IPO11: variants seen among roughly 807,000 people sequenced by gnomAD.
The protein encoded by IPO11 is importin-11.
A neutral mutation model predicts 143.2 loss-of-function variants in IPO11; 66 were observed. The observed-to-expected ratio is 0.46, with a 90% CI of 0.38 to 0.57. The LOEUF (loss-of-function observed/expected upper bound fraction) is 0.57. Among genes scored for constraint, IPO11 ranks in the 20% least tolerant of loss-of-function variants. The pLI is 0.00. For missense variants in IPO11, 1,026 were observed against 1,141.0 expected (o/e 0.90, Z 1.45); for synonymous variants, 385 against 377.8 (o/e 1.02, Z -0.22).
intron 29 of IPO11, among the ~76,000 whole-genome samples, chr5:62,612,959 T>C (rs560981839): frequency 2.0e-5 from 3 of 152,330 alleles, no homozygotes; most frequent in South Asian, 2.1e-4. Context: ...CTGAAGGATA[T>C]GTGTTTTTGA....
At chr5:62,606,851 A>G (rs1013229038) in intron 29 of IPO11, among the ~76,000 whole-genome samples, 21 of 152,252 alleles carry the variant, frequency 1.4e-4, no homozygotes, top group African/African-American at 4.3e-4. Flanking sequence ...GCTTGGCATC[A>G]TAGTCTTTTG....
chr5:62,599,635 G>A (rs1037482723), intron 28 of IPO11, among the ~76,000 whole-genome samples: 1 of 152,190 alleles, frequency 6.6e-6, no homozygotes, highest in Non-Finnish European at 1.5e-5. Context: ...TCTTGAGAAA[G>A]ATTCTTATTT....
At chr5:62,469,670 TATTACAACTGTAGACAATAG>T (rs1266706046) in intron 6 of IPO11, among the ~76,000 whole-genome samples, 4 of 152,302 alleles carry the variant, frequency 2.6e-5, no homozygotes, top group African/African-American at 9.6e-5. Flanking sequence ...CCCAAAGTAG[TATTACAACTGTAGACAATAG>T]ATCAAGGATT....
At chr5:62,441,058 C>T (rs1239750486) in intron 2 of IPO11, among the ~76,000 whole-genome samples, 1 of 152,030 alleles carries the variant, frequency 6.6e-6, no homozygotes, top group Admixed American at 6.6e-5. Flanking sequence ...TTTAAGAGGT[C>T]ACCTTTGGGA....
intron 27 of IPO11, among the ~76,000 whole-genome samples, chr5:62,588,519 C>T (rs745766371): frequency 1.1e-4 from 17 of 152,212 alleles, no homozygotes; most frequent in Admixed American, 5.9e-4. Flanking sequence ...AGGCGTGAGC[C>T]GCCATGCCTG....
intron 1 of IPO11, among the ~76,000 whole-genome samples, chr5:62,435,164 A>ATATATATG (rs1344452522): frequency 2.0e-5 from 2 of 98,438 alleles, no homozygotes; most frequent in East Asian, 2.6e-4. Context: ...ATATATATGT[A>ATATATATG]TATATATGTA....
intron 29 of IPO11, among the ~76,000 whole-genome samples, chr5:62,626,396 A>G (rs758379678): frequency 2.0e-5 from 3 of 152,198 alleles, no homozygotes; most frequent in Non-Finnish European, 2.9e-5. Context: ...ATTATTATTA[A>G]GTAAACTCCA....
At chr5:62,422,808 T>C (rs748227528) in intron 1 of IPO11, among the ~76,000 whole-genome samples, 10 of 152,238 alleles carry the variant, frequency 6.6e-5, no homozygotes, top group Admixed American at 2.0e-4. Flanking sequence ...CACCCATTTA[T>C]TATTTGTTTC....
chr5:62,419,564 G>A (rs933994054), intron 1 of IPO11, among the ~76,000 whole-genome samples: 11 of 152,088 alleles, frequency 7.2e-5, no homozygotes, highest in South Asian at 6.2e-4. Context: ...GTCTTCGGGG[G>A]CAATAACATT....
In IPO11 at chr5:62,435,144, G is replaced by GTATATATGTATATATATGTATATATGTA. The variant is rs1744153814; in HGVS notation, c.-6-2105_-6-2104insGTATATATATGTATATATATGTATATAT. On this transcript the variant is annotated intron_variant, in intron 1 of 29. Transcript: ENST00000325324. Reference sequence around the variant, plus strand: ...TATATATGTATATATATGTATATATGTATATATGTATATATATGTATATAT... The same window carrying GTATATATGTATATATATGTATATATGTA: ...TATATATGTATATATATGTATATATGTATATATGTATATATATGTATATATGTATATATATGTATATATATGTATATAT... Among the ~76,000 whole-genome samples the GTATATATGTATATATATGTATATATGTA allele has an allele frequency of 1.4e-4, 9 of 64,992 alleles. 2 individuals carry two copies. The highest frequency in any genetic ancestry group is 4.1e-4 in the African/African-American group (7 of 17,218). The allele number at this position is 64,992 out of a possible 152,430, so 42.6% of individuals were successfully genotyped here. A position where few individuals can be genotyped will look rare whatever the true frequency, so the allele number is the denominator to read the frequency against.
intron 27 of IPO11, chr5:62,579,533 G>A: frequency 6.4e-7 from 1 of 1,551,098 alleles, no homozygotes; most frequent in African/African-American, 1.4e-5. Context: ...ATACTTGGAT[G>A]TTCGTCTGTT....
rs538760503 is a variant in IPO11 at position 62,616,719 on chromosome 5, CAAAAAAAA to C, written c.2764-10416_2764-10409del. 5.7e-4 allele frequency among the ~76,000 whole-genome samples: 48 copies of C among 84,430 alleles called. 1 individual carries two copies. The highest frequency in any genetic ancestry group is 2.0e-3 in the African/African-American group (39 of 19,344). 55.4% of individuals were successfully genotyped at this position (84,430 alleles called of 152,430 possible). ...TGGGGCACAGGGTGAGACTCTGACTCAAAAAAAAAAAAAAAAAAAAAAAAAATCAGTGA... is the reference window on the plus strand; with the variant it reads ...TGGGGCACAGGGTGAGACTCTGACTCAAAAAAAAAAAAAAAAAATCAGTGA... On this transcript the variant is annotated intron_variant, in intron 29 of 29. Coordinates refer to ENST00000325324, the MANE Select transcript of IPO11 (RefSeq NM_016338.5).
At chr5:62,483,740 C>T (rs1051335934) in intron 10 of IPO11, among the ~76,000 whole-genome samples, 1 of 152,018 alleles carries the variant, frequency 6.6e-6, no homozygotes, top group Admixed American at 6.6e-5. Context: ...TGCACACACC[C>T]CCCACACCCT....
intron 29 of IPO11, among the ~76,000 whole-genome samples, chr5:62,603,412 G>A (rs763145820): frequency 2.8e-4 from 43 of 152,062 alleles, no homozygotes; most frequent in Non-Finnish European, 4.4e-5. Flanking sequence ...CGAGCTCGCT[G>A]AAAGCTTTCA....
At chr5:62,598,842 G>A (rs536187457) in intron 28 of IPO11, among the ~76,000 whole-genome samples, 1 of 151,728 alleles carries the variant, frequency 6.6e-6, no homozygotes, top group Non-Finnish European at 1.5e-5. Flanking sequence ...ACCGCACCTG[G>A]CCCATAAATC....
intron 19 of IPO11, among the ~76,000 whole-genome samples, chr5:62,514,520 G>T (rs1199797302): frequency 2.0e-5 from 3 of 151,408 alleles, no homozygotes; most frequent in Non-Finnish European, 4.4e-5. Context: ...CAGGGAGGCT[G>T]CAGAGAGCCG....
chr5:62,494,064 T>C lies in IPO11; in HGVS notation c.1530T>C (p.Ser510=). 6.2e-7 allele frequency: 1 copy of C among 1,613,768 alleles called. No individual in the cohort carries two copies. The highest frequency in any genetic ancestry group is 8.5e-7 in the Non-Finnish European group (1 of 1,179,740). ...IGQWISVKFK[S]DLRPMLYEAI... The stretch of plus-strand genomic sequence containing the variant: ...AGTGGATTTCTGTGAAATTCAAGTC[T>C]GACTTAAGACCCATGCTTTATGAAG... The change falls in exon 16 of 30, where the codon TCT becomes TCC. Residue 510 remains serine (S), a synonymous_variant. Transcript: ENST00000325324.
intron 22 of IPO11, 79 bp from the exon 23 acceptor site, chr5:62,536,623 A>G (rs1484698787): frequency 7.4e-6 from 11 of 1,482,902 alleles, no homozygotes; most frequent in African/African-American, 1.5e-5. Flanking sequence ...GTTTTAAATA[A>G]CTATGAATCA....
chr5:62,509,025 A>G (rs1741659354), intron 19 of IPO11, among the ~76,000 whole-genome samples: 1 of 152,236 alleles, frequency 6.6e-6, no homozygotes, highest in Admixed American at 6.5e-5. Flanking sequence ...GCTTTCTGAC[A>G]CATACAGTTT....
Sources: gnomAD v4.1 joint callset for allele counts (sites outside exome capture counted in the v4.1 genomes callset) on GRCh38, gnomAD v4.1.1 for gene constraint, MANE v1.5 for transcripts, NCBI Gene and HGNC (gene_info 2026-07-23, HGNC 2026-07-21) for gene names.